The following ACTN1 variants were observed in gnomAD, a reference collection of about 807,000 sequenced individuals.
ACTN1 encodes the protein alpha-actinin-1.
ACTN1 carries 30 observed loss-of-function variants against 119.6 expected under a neutral mutation model. The ratio of observed to expected loss-of-function variants is 0.25; its 90% CI spans 0.19 to 0.34. The LOEUF is 0.34. Among genes scored for constraint, ACTN1 ranks in the 10% least tolerant of loss-of-function variants. ACTN1 has a pLI of 1.00. For missense variants in ACTN1, 764 were observed against 1,223.4 expected (o/e 0.62, Z 5.60); for synonymous variants, 429 against 472.6 (o/e 0.91, Z 1.20).
intron 2 of ACTN1, among the ~76,000 whole-genome samples, chr14:68,921,941 T>C (rs929540844): frequency 1.3e-5 from 2 of 152,022 alleles, no homozygotes; most frequent in Non-Finnish European, 2.9e-5. Context: ...AAAATAAAGG[T>C]AGAGGAGCTG....
intron 7 of ACTN1, among the ~76,000 whole-genome samples, chr14:68,902,904 T>C (rs2033433316): frequency 6.6e-6 from 1 of 152,210 alleles, no homozygotes; most frequent in South Asian, 2.1e-4. Context: ...CGAATGCCAG[T>C]ATGGACCTTG....
Position 68,925,007 on chromosome 14 carries a change from C to T in ACTN1, c.220+551G>A, listed in dbSNP as rs571534224. On this transcript the variant is annotated intron_variant, in intron 2 of 21. Coordinates refer to ENST00000394419, the MANE Select transcript of ACTN1 (RefSeq NM_001130004.2). This position sits in a 1 kb window ranked among gnomAD's most constrained non-coding sequence, Gnocchi z 4.3. Reference sequence around the variant, plus strand: ...CTGGGCTGGGATTAGGTCTAAGGCTCACCGGCATCAAGGTGAAGAGAGTAG... The same window carrying T: ...CTGGGCTGGGATTAGGTCTAAGGCTTACCGGCATCAAGGTGAAGAGAGTAG... 6.6e-6 allele frequency among the ~76,000 whole-genome samples: 1 copy of T among 152,280 alleles called. No homozygotes were observed. The highest frequency in any genetic ancestry group is 1.9e-4 in the East Asian group (1 of 5,174).
At chr14:68,888,426 C>T (rs1255749741) in intron 11 of ACTN1, among the ~76,000 whole-genome samples, 1 of 152,202 alleles carries the variant, frequency 6.6e-6, no homozygotes, top group African/African-American at 2.4e-5. Context: ...CACTGTGCCT[C>T]CTCCACTCTG....
At chr14:68,969,308 A>G (rs2036803999) in intron 1 of ACTN1, among the ~76,000 whole-genome samples, 1 of 152,236 alleles carries the variant, frequency 6.6e-6, no homozygotes, top group South Asian at 2.1e-4. Flanking sequence ...CCCAGCCACC[A>G]GTATCCGAGA....
chr14:68,877,298 T>C, intron 20 of ACTN1, 58 bp from the exon 21 acceptor site: 1 of 1,601,242 alleles, frequency 6.2e-7, no homozygotes, highest in Admixed American at 1.7e-5. Flanking sequence ...GAATATCTCA[T>C]ATGGACTGAA....
At chr14:68,961,537 C>CCGCCACACGGGGCACAGGG (rs2036540251) in intron 1 of ACTN1, among the ~76,000 whole-genome samples, 1 of 152,176 alleles carries the variant, frequency 6.6e-6, no homozygotes, top group Non-Finnish European at 1.5e-5. Flanking sequence ...ATCTCACAGG[C>CCGCCACACGGGGCACAGGG]CGCCACACGG....
Position 68,885,406 on chromosome 14 carries a change from G to A in ACTN1, c.1385+19C>T, listed in dbSNP as rs772381660. 1 of 1,603,806 alleles carries A rather than the reference G, an allele frequency of 6.2e-7. No individual in the cohort carries two copies. Among genetic ancestry groups the A allele is most frequent in the Non-Finnish European group, 8.5e-7 (1 of 1,173,644 alleles). ...CCTCAGCCCCTCACCACAGGGTAGGGGTGTCTGGGGCCACCTACTTGAGCT... is the reference window on the plus strand; with the variant it reads ...CCTCAGCCCCTCACCACAGGGTAGGAGTGTCTGGGGCCACCTACTTGAGCT... On this transcript the variant is annotated intron_variant, in intron 12 of 21. Coordinates refer to ENST00000394419, the MANE Select transcript of ACTN1 (RefSeq NM_001130004.2). This position sits in a 1 kb window ranked among gnomAD's most constrained non-coding sequence, Gnocchi z 5.6.
Position 68,874,966 on chromosome 14 carries a change from C to T in ACTN1, c.2638G>A (p.Glu880Lys), listed in dbSNP as rs1293646167. The T allele has an allele frequency of 6.2e-7, 1 of 1,613,862 alleles. No homozygotes were observed. Among genetic ancestry groups the T allele is most frequent in the Admixed American group, 1.7e-5 (1 of 60,026 alleles). Residue 880 changes from glutamate (E) to lysine (K), a missense_variant, in exon 22 of 22, where the codon GAG (glutamate) becomes AAG (lysine). Physicochemically the swap from Glu to Lys is moderately conservative, Grantham distance 56 (BLOSUM62 1). Around this residue, in one of 4 missense-constraint regions of ACTN1, gnomAD observed 102 missense variants for 78.2 expected, o/e 1.30. Transcript: ENST00000394419. ...LRRELPPDQA[E>K]YCIARMAPYT... The stretch of plus-strand genomic sequence containing the variant: ...GGGGCCATCCGCGCGATGCAGTACT[C>T]AGCCTGGTCGGGTGGCAGCTCGCGG...
chr14:68,955,383 G>A (rs1217447909), intron 1 of ACTN1, among the ~76,000 whole-genome samples: 4 of 152,268 alleles, frequency 2.6e-5, no homozygotes, highest in East Asian at 1.9e-4. Flanking sequence ...ATGACTAGGC[G>A]CTCACCGTGT....
chr14:68,927,527 T>A (rs1489070964), intron 1 of ACTN1, among the ~76,000 whole-genome samples: 1 of 152,168 alleles, frequency 6.6e-6, no homozygotes, highest in African/African-American at 2.4e-5. Flanking sequence ...AGTGGGGAAC[T>A]GGATGCAAAG....
intron 21 of ACTN1, among the ~76,000 whole-genome samples, chr14:68,876,860 T>A (rs1443516202): frequency 6.6e-6 from 1 of 152,174 alleles, no homozygotes; most frequent in Non-Finnish European, 1.5e-5. Context: ...CTCACTGGCA[T>A]GCAGTGATCC....
In ACTN1 at chr14:68,878,877, G is replaced by A; in HGVS notation, c.2361+112C>T. Reference sequence around the variant, plus strand: ...ACAGCAGGAGAGGACGAGCCCCATGGCCCACAGGAGGGGGACAGGAGATCC... The same window carrying A: ...ACAGCAGGAGAGGACGAGCCCCATGACCCACAGGAGGGGGACAGGAGATCC... On this transcript the variant is annotated intron_variant, in intron 19 of 21. Coordinates refer to ENST00000394419, the MANE Select transcript of ACTN1 (RefSeq NM_001130004.2). The surrounding 1 kb of genome is among the most constrained non-coding windows in gnomAD (Gnocchi z 4.4). The A allele has an allele frequency of 6.3e-7, 1 of 1,598,376 alleles. No homozygotes were observed. The highest frequency in any genetic ancestry group is 8.5e-7 in the Non-Finnish European group (1 of 1,177,990).
rs372239551 is a variant in ACTN1 at position 68,948,872 on chromosome 14, G to A, written c.106-23200C>T. On this transcript the variant is annotated intron_variant, in intron 1 of 21. Coordinates refer to ENST00000394419, the MANE Select transcript of ACTN1 (RefSeq NM_001130004.2). ...AGACACACTGCCTCCTGAGGCGCAC[G>A]GGGCACCCAAAAGACAGCCACGTGC... 9.9e-5 allele frequency among the ~76,000 whole-genome samples: 15 copies of A among 152,282 alleles called. No individual in the cohort carries two copies. In the South Asian group the frequency reaches 1.0e-3, roughly 11 times the overall value.
intron 1 of ACTN1, among the ~76,000 whole-genome samples, chr14:68,954,222 T>G (rs1222173727): frequency 6.6e-6 from 1 of 152,224 alleles, no homozygotes; most frequent in Non-Finnish European, 1.5e-5. Flanking sequence ...ACCACCATGA[T>G]GTATCAGGAT....
At chr14:68,908,892 G>A (rs1015840627) in intron 6 of ACTN1, among the ~76,000 whole-genome samples, 5 of 152,264 alleles carry the variant, frequency 3.3e-5, no homozygotes, top group African/African-American at 7.2e-5. Flanking sequence ...ATCCATGGGT[G>A]GGATAAGCTG....
At chr14:68,906,756 G>C (rs1332407654) in intron 6 of ACTN1, among the ~76,000 whole-genome samples, 4 of 152,194 alleles carry the variant, frequency 2.6e-5, no homozygotes, top group Admixed American at 6.5e-5. Context: ...TTCTCTGGAA[G>C]GGTGTTCCTG....
intron 21 of ACTN1, chr14:68,875,248 T>C: frequency 8.5e-7 from 1 of 1,182,394 alleles, no homozygotes; most frequent in Non-Finnish European, 1.2e-6. Context: ...ACCTACTTTG[T>C]AAGCCACTTT....
chr14:68,897,837 G>A (rs1204683753), intron 8 of ACTN1, among the ~76,000 whole-genome samples: 1 of 152,228 alleles, frequency 6.6e-6, no homozygotes, highest in Non-Finnish European at 1.5e-5. Flanking sequence ...TGACCAGGCA[G>A]AGGGAAACTG....
intron 8 of ACTN1, among the ~76,000 whole-genome samples, chr14:68,898,154 T>C (rs1167801703): frequency 6.6e-6 from 1 of 152,224 alleles, no homozygotes; most frequent in East Asian, 1.9e-4. Flanking sequence ...AGATGGCTCA[T>C]GAATTTCTCT....
Sources: allele counts gnomAD v4.1 joint callset (sites outside exome capture counted in the v4.1 genomes callset), GRCh38; gene constraint gnomAD v4.1.1; regional missense constraint gnomAD v4.1.1; non-coding constraint Gnocchi (gnomAD v3.1); transcripts MANE v1.5; gene names NCBI Gene and HGNC (gene_info 2026-07-23, HGNC 2026-07-21).